PAN3: variants seen among roughly 807,000 people sequenced by gnomAD.
PAN3 encodes poly(A) specific ribonuclease subunit PAN3.
In PAN3, 19 loss-of-function variants were observed where a neutral mutation model predicts 96.2. That is an observed-to-expected ratio of 0.20 (90% CI 0.14 to 0.29). The LOEUF is 0.29. PAN3 is among the 10% of genes least tolerant of loss of function. The probability of loss-of-function intolerance (pLI) is 1.00; values close to 1 mark genes in which losing one functional copy is unlikely to be tolerated. For synonymous variants in PAN3, 433 were observed against 406.6 expected, an observed-to-expected ratio of 1.06 and a Z score of -0.78; for missense variants, 882 against 1,108.1, an observed-to-expected ratio of 0.80 and a Z score of 2.90.
chr13:28,140,311 G>A (rs1302650253), intron 1 of PAN3, among the ~76,000 whole-genome samples: 1 of 152,194 alleles, frequency 6.6e-6, no homozygotes, highest in Non-Finnish European at 1.5e-5. Flanking sequence ...TACGAATAGA[G>A]CCGGTGCCAG....
intron 15 of PAN3, 66 bp from the exon 16 acceptor site, chr13:28,280,346 T>G (rs2138716557): frequency 6.6e-7 from 1 of 1,516,544 alleles, no homozygotes; most frequent in Non-Finnish European, 8.9e-7. Context: ...ACAGCTATGT[T>G]TGGGTTATCT....
At chr13:28,261,877 A>C (rs1463799711) in intron 9 of PAN3, among the ~76,000 whole-genome samples, 2 of 150,700 alleles carry the variant, frequency 1.3e-5, no homozygotes, top group East Asian at 1.9e-4. Flanking sequence ...ACTACTGATC[A>C]TCTAGTTTAT....
chr13:28,262,884 G>A (rs1370894278), intron 9 of PAN3, among the ~76,000 whole-genome samples: 1 of 152,150 alleles, frequency 6.6e-6, no homozygotes, highest in African/African-American at 2.4e-5. Flanking sequence ...TTCAGCAGGG[G>A]AGATTTATTT....
chr13:28,209,670 A>C (rs1405475759), intron 5 of PAN3, among the ~76,000 whole-genome samples: 2 of 152,018 alleles, frequency 1.3e-5, no homozygotes, highest in African/African-American at 4.8e-5. Flanking sequence ...CTTAGCTTTA[A>C]TTCCTAGATG....
intron 17 of PAN3, among the ~76,000 whole-genome samples, chr13:28,282,102 A>G (rs923332403): frequency 2.0e-5 from 3 of 152,174 alleles, no homozygotes; most frequent in African/African-American, 7.2e-5. Context: ...TAGCCATCAT[A>G]TAAGTGACAT....
intron 1 of PAN3, among the ~76,000 whole-genome samples, chr13:28,159,609 C>T (rs1018374300): frequency 8.6e-5 from 13 of 152,034 alleles, no homozygotes; most frequent in Admixed American, 2.0e-4. Flanking sequence ...CCACCATGCC[C>T]GGCTAATTTT....
intron 17 of PAN3, among the ~76,000 whole-genome samples, chr13:28,287,122 A>G (rs1869085150): frequency 6.6e-6 from 1 of 152,130 alleles, no homozygotes; most frequent in African/African-American, 2.4e-5. Context: ...TTCAATGTCC[A>G]TGCAAATACC....
At chr13:28,208,105 A>G (rs1223152976) in intron 5 of PAN3, among the ~76,000 whole-genome samples, 2 of 152,156 alleles carry the variant, frequency 1.3e-5, no homozygotes, top group African/African-American at 4.8e-5. Context: ...TAAAATATCA[A>G]CGTGGAAAAT....
intron 5 of PAN3, among the ~76,000 whole-genome samples, chr13:28,213,204 A>C (rs1880266416): frequency 6.6e-6 from 1 of 152,202 alleles, no homozygotes; most frequent in East Asian, 1.9e-4. Flanking sequence ...TATAACATTT[A>C]TATTTCATTA....
intron 1 of PAN3, among the ~76,000 whole-genome samples, chr13:28,147,038 G>C (rs1284413047): frequency 6.6e-6 from 1 of 152,104 alleles, no homozygotes; most frequent in African/African-American, 2.4e-5. Context: ...TAGTGTTACA[G>C]TTTTATGTGA....
At chr13:28,141,933 G>A (rs1371866323) in intron 1 of PAN3, among the ~76,000 whole-genome samples, 1 of 152,318 alleles carries the variant, frequency 6.6e-6, no homozygotes, top group Non-Finnish European at 1.5e-5. Flanking sequence ...ATAGGGACTC[G>A]AGAGGACAGG....
At chr13:28,214,840 C>T in intron 5 of PAN3, 1 of 676,884 alleles carries the variant, frequency 1.5e-6, no homozygotes, top group Non-Finnish European at 2.7e-6. Context: ...ACATCTCAGG[C>T]TGACTGTGCT....
intron 6 of PAN3, among the ~76,000 whole-genome samples, chr13:28,235,468 C>A (rs184522913): frequency 6.6e-6 from 1 of 152,158 alleles, no homozygotes; most frequent in Non-Finnish European, 1.5e-5. Context: ...TCAGCCTTTT[C>A]CCCATCATCT....
At chr13:28,281,432 CATA>C in intron 17 of PAN3, 53 bp downstream of exon 17, 1 of 1,454,998 alleles carries the variant, frequency 6.9e-7, no homozygotes, top group Non-Finnish European at 9.5e-7. Flanking sequence ...CACTATTTTG[CATA>C]ATAAGAATAA....
intron 3 of PAN3, 55 bp downstream of exon 3, chr13:28,176,614 AAAGT>A: frequency 6.6e-7 from 1 of 1,506,422 alleles, no homozygotes; most frequent in Non-Finnish European, 9.2e-7. Flanking sequence ...TCTTACTCTA[AAAGT>A]AATATACAAC....
At position 28,158,802 on chromosome 13, in the gene PAN3, C is replaced by T. The variant is rs578036443; in HGVS notation, c.431-15470C>T. ...CTGAGGCAGGAGAATGGCGTGAACC[C>T]GGGAGGCGGAGCTCACAGTGAGTGG... On this transcript the variant is annotated intron_variant, in intron 1 of 18. Transcript: ENST00000380958. 5.9e-5 allele frequency among the ~76,000 whole-genome samples: 9 copies of T among 151,464 alleles called. No individual in the cohort carries two copies. In the South Asian group the frequency reaches 8.4e-4, roughly 14 times the overall value.
intron 6 of PAN3, among the ~76,000 whole-genome samples, chr13:28,247,855 T>C (rs565952400): frequency 1.3e-5 from 2 of 152,338 alleles, no homozygotes; most frequent in East Asian, 3.9e-4. Flanking sequence ...AAGCAAGTAG[T>C]AGATGTCTCG....
intron 1 of PAN3, among the ~76,000 whole-genome samples, chr13:28,142,295 C>T (rs1869961103): frequency 3.3e-5 from 5 of 152,112 alleles, no homozygotes; most frequent in Admixed American, 3.3e-4. Context: ...CTACCTTTTA[C>T]TGTATTCTCA....
chr13:28,171,507 G>A (rs1432272924), intron 1 of PAN3, among the ~76,000 whole-genome samples: 2 of 152,144 alleles, frequency 1.3e-5, no homozygotes, highest in African/African-American at 2.4e-5. Context: ...ACTTCTATCC[G>A]ACTTGGCTAC....
Sources: allele counts gnomAD v4.1 joint callset (sites outside exome capture counted in the v4.1 genomes callset), GRCh38; gene constraint gnomAD v4.1.1; transcripts MANE v1.5; gene names NCBI Gene and HGNC (gene_info 2026-07-23, HGNC 2026-07-21).